Variants in RIPK1 observed in about 807,000 individuals in gnomAD.
RIPK1 encodes the protein receptor-interacting serine/threonine-protein kinase 1.
In RIPK1, 27 loss-of-function variants were observed where a neutral mutation model predicts 62.4. That is an observed-to-expected ratio of 0.43 (90% confidence interval 0.32 to 0.60). RIPK1 has a LOEUF of 0.60. Ranked by LOEUF, RIPK1 falls within the 20% of genes least tolerant of loss-of-function variation. The pLI is 0.07. For missense variants in RIPK1, 735 were observed against 831.0 expected, an observed-to-expected ratio of 0.88 and a Z score of 1.42; for synonymous variants, 287 against 303.2, an observed-to-expected ratio of 0.95 and a Z score of 0.55.
chr6:3,079,111 G>A (rs1210492348), intron 3 of RIPK1, among the ~76,000 whole-genome samples: 4 of 150,970 alleles, frequency 2.6e-5, no homozygotes, highest in African/African-American at 9.8e-5. Context: ...GAGGAGTCTC[G>A]CTCTGTCGCC....
rs747000270 is a variant in RIPK1 at position 3,083,081 on chromosome 6, G to A, written c.460-4G>A. The A allele has an allele frequency of 8.1e-6, 13 of 1,613,552 alleles. No individual in the cohort carries two copies. The highest frequency in any genetic ancestry group is 4.0e-5 in the African/African-American group (3 of 74,884). On this transcript the variant is annotated splice_region_variant and splice_polypyrimidine_tract_variant and intron_variant, in intron 4 of 10. Transcript: ENST00000259808. ...CAATCCCAGTGGCTCAATGTCTTTC[G>A]CAGATCGCAGACCTCGGCCTTGCCT...
chr6:3,068,758 C>A, intron 1 of RIPK1, 97 bp downstream of exon 1: 2 of 751,182 alleles, frequency 2.7e-6, no homozygotes, highest in South Asian at 6.0e-5. Flanking sequence ...TCCCCCAGCA[C>A]GCCCGGGCAA....
intron 9 of RIPK1, among the ~76,000 whole-genome samples, chr6:3,106,763 G>A (rs995298212): frequency 1.3e-5 from 2 of 152,100 alleles, no homozygotes; most frequent in Admixed American, 6.5e-5. Context: ...AAACATCCTC[G>A]ATTTCTTCCA....
chr6:3,085,917 G>T (rs769321866), intron 6 of RIPK1, among the ~76,000 whole-genome samples: 5 of 152,226 alleles, frequency 3.3e-5, no homozygotes, highest in Non-Finnish European at 5.9e-5. Flanking sequence ...GCATATGTCA[G>T]AATTTCTTTC....
intron 9 of RIPK1, among the ~76,000 whole-genome samples, chr6:3,109,217 G>A (rs1458172952): frequency 6.6e-6 from 1 of 152,150 alleles, no homozygotes; most frequent in Non-Finnish European, 1.5e-5. Context: ...ACAGAGCGGC[G>A]CAGGGCAGAG....
chr6:3,084,591 CT>C lies in RIPK1; in HGVS notation c.689-652del, dbSNP rs55789041. The stretch of plus-strand genomic sequence containing the variant: ...GTGCTACTGGAACCCCTTGTACATC[CT>C]TTTTTTTTTTTTTTTCCCGTGAGAC... On this transcript the variant is annotated intron_variant, in intron 5 of 10. Transcript: ENST00000259808. Among the ~76,000 whole-genome samples the C allele has an allele frequency of 8.0e-4, 108 of 134,622 alleles. 1 individual carries two copies. Among genetic ancestry groups the C allele is most frequent in the African/African-American group, 6.8e-4 (24 of 35,518 alleles). The allele number at this position is 134,622 out of a possible 152,430, so 88.3% of individuals were successfully genotyped here.
intron 3 of RIPK1, among the ~76,000 whole-genome samples, chr6:3,080,588 G>C (rs374608684): frequency 6.6e-6 from 1 of 152,092 alleles, no homozygotes; most frequent in African/African-American, 2.4e-5. Flanking sequence ...ATGATGTCGT[G>C]TGAGTATCCC....
chr6:3,099,427 C>T (rs1273558147), intron 7 of RIPK1, among the ~76,000 whole-genome samples: 2 of 152,104 alleles, frequency 1.3e-5, no homozygotes, highest in East Asian at 3.9e-4. Context: ...ACCTGCAGTC[C>T]CAGCTACTTG....
rs1760819635 is a variant in RIPK1, at chr6:3,105,809, A to C, written c.1334A>C (p.His445Pro). Residue 445 changes from histidine (H) to proline (P), a missense_variant, in exon 9 of 11, where the codon CAT (histidine) becomes CCT (proline). By Grantham distance (77) the His-to-Pro change is moderately conservative. This residue lies in a region of RIPK1 where 671 missense variants were observed against 726.2 expected (regional missense o/e 0.92). Coordinates refer to ENST00000259808, the MANE Select transcript of RIPK1 (RefSeq NM_001354930.2). This position sits in a 1 kb window ranked among gnomAD's most constrained non-coding sequence, Gnocchi z 4.5. ...ACTGCTTATTCCAGTGCAGCCAGTC[A>C]TGGTAATGCAGTGCACCAGCCCTCA... ...KGTAYSSAASHGNAVHQPSGL... is the reference protein window; with the variant it reads ...KGTAYSSAASPGNAVHQPSGL... The C allele has an allele frequency of 1.2e-6, 2 of 1,614,088 alleles. No homozygotes were observed.
At chr6:3,089,754 G>A (rs1275752132) in intron 7 of RIPK1, 97 bp downstream of exon 7, 6 of 751,186 alleles carry the variant, frequency 8.0e-6, no homozygotes, top group Non-Finnish European at 1.4e-5. Flanking sequence ...TGAGATTTGA[G>A]GTAAGCTAGC....
rs759705942 is a variant in RIPK1, at chr6:3,110,789, TTCTC to T, written c.1577-10_1577-7del. 7 of 1,524,508 alleles carry T rather than the reference TTCTC, an allele frequency of 4.6e-6. No homozygotes were observed. The African/African-American group carries it at 5.6e-5, about 12-fold the overall frequency. 94.4% of individuals were successfully genotyped at this position (1,524,508 alleles called of 1,614,324 possible). A position where few individuals can be genotyped will look rare whatever the true frequency, so the allele number is the denominator to read the frequency against. Reference sequence around the variant, plus strand: ...GATCTAGAATTACTTACCTGTGTGTTTCTCTCTATGCAGATGAATCTATAAAATA... The same window carrying T: ...GATCTAGAATTACTTACCTGTGTGTTTCTATGCAGATGAATCTATAAAATA... On this transcript the variant is annotated splice_polypyrimidine_tract_variant and intron_variant, in intron 9 of 10. Coordinates refer to ENST00000259808, the MANE Select transcript of RIPK1 (RefSeq NM_001354930.2).
chr6:3,102,709 T>C (rs1056783391), intron 7 of RIPK1, among the ~76,000 whole-genome samples: 1 of 152,150 alleles, frequency 6.6e-6, no homozygotes, highest in African/African-American at 2.4e-5. Context: ...CAAGCGATTC[T>C]CCTGCCTCAC....
chr6:3,085,143 C>T, intron 5 of RIPK1, 116 bp from the exon 6 acceptor site: 2 of 1,057,474 alleles, frequency 1.9e-6, no homozygotes, highest in Non-Finnish European at 2.8e-6. Context: ...CCATTCCACT[C>T]TATGGAATGA....
rs758677575 is a variant in RIPK1, at chr6:3,110,966, CT to C, written c.1729+12del. On this transcript the variant is annotated intron_variant, in intron 10 of 10. Transcript: ENST00000259808. ...ACCAAGCTATCTTTGGTAAGATACC[CT>C]GGAAGGACTCAACGCCTAGCAACCT... 1 of 1,596,516 alleles carries C rather than the reference CT, an allele frequency of 6.3e-7. No homozygotes were observed. The highest frequency in any genetic ancestry group is 2.3e-5 in the East Asian group (1 of 44,286).
At chr6:3,073,326 T>C (rs1207056627) in intron 1 of RIPK1, among the ~76,000 whole-genome samples, 3 of 151,974 alleles carry the variant, frequency 2.0e-5, no homozygotes, top group East Asian at 1.9e-4. Context: ...ACTTTTTTTT[T>C]CTCATAATCC....
upstream of RIPK1, among the ~76,000 whole-genome samples, chr6:3,064,222 G>A (rs566955402): frequency 6.6e-6 from 1 of 152,230 alleles, no homozygotes; most frequent in African/African-American, 2.4e-5. Context: ...GGTCTGTGGG[G>A]GGTCCCCTGC....
chr6:3,088,353 C>T (rs17548429), intron 6 of RIPK1, among the ~76,000 whole-genome samples: 14,905 of 152,240 alleles, frequency 0.098, 2,308 homozygotes, highest in African/African-American at 0.33. Context: ...GTGAAGGTAC[C>T]TCATTACTAC....
At chr6:3,064,224 G>A (rs897786743), upstream of RIPK1, among the ~76,000 whole-genome samples, 4 of 152,084 alleles carry the variant, frequency 2.6e-5, no homozygotes, top group Non-Finnish European at 5.9e-5. Context: ...TCTGTGGGGG[G>A]TCCCCTGCAG....
At chr6:3,100,909 A>G (rs1279280767) in intron 7 of RIPK1, among the ~76,000 whole-genome samples, 1 of 152,176 alleles carries the variant, frequency 6.6e-6, no homozygotes, top group Non-Finnish European at 1.5e-5. Context: ...AATCTTTCAA[A>G]AGGACTTTGT....
Sources: allele counts gnomAD v4.1 joint callset (sites outside exome capture counted in the v4.1 genomes callset), GRCh38; gene constraint gnomAD v4.1.1; regional missense constraint gnomAD v4.1.1; non-coding constraint Gnocchi (gnomAD v3.1); transcripts MANE v1.5; gene names NCBI Gene and HGNC (gene_info 2026-07-23, HGNC 2026-07-21).